INPP4B: variants seen among roughly 807,000 people sequenced by gnomAD.
The protein encoded by INPP4B is inositol polyphosphate-4-phosphatase type II B.
INPP4B carries 55 observed loss-of-function variants against 122.5 expected under a neutral mutation model. The observed-to-expected ratio is 0.45, with a 90% confidence interval of 0.36 to 0.56. The LOEUF (loss-of-function observed/expected upper bound fraction) is 0.56, where lower values mean the gene tolerates loss of function less well. Ranked by LOEUF, INPP4B falls within the 20% of genes least tolerant of loss-of-function variation. The probability of loss-of-function intolerance (pLI) is 0.00; values close to 1 mark genes in which losing one functional copy is unlikely to be tolerated. For missense variants in INPP4B, 1,000 were observed against 1,097.7 expected (o/e 0.91, Z 1.26); for synonymous variants, 403 against 388.7 (o/e 1.04, Z -0.43).
chr4:142,219,230 A>AAC (rs1848460207), intron 12 of INPP4B, among the ~76,000 whole-genome samples: 1 of 152,176 alleles, frequency 6.6e-6, no homozygotes, highest in Non-Finnish European at 1.5e-5. Context: ...TGACAGTTGG[A>AAC]ACACAGTTAT....
At chr4:142,550,675 C>G (rs1364155201) in intron 2 of INPP4B, among the ~76,000 whole-genome samples, 1 of 150,436 alleles carries the variant, frequency 6.6e-6, no homozygotes, top group East Asian at 1.9e-4. Flanking sequence ...TCCCTTGTAC[C>G]TTTGAAGTGT....
chr4:142,727,788 G>A (rs1254528272), intron 1 of INPP4B, among the ~76,000 whole-genome samples: 1 of 152,100 alleles, frequency 6.6e-6, no homozygotes, highest in African/African-American at 2.4e-5. Flanking sequence ...TGAGATGGGA[G>A]GATCACTTGA....
chr4:142,564,452 AAAGAAAGAAAG>A (rs370954363), intron 2 of INPP4B, among the ~76,000 whole-genome samples: 55,260 of 119,556 alleles, frequency 0.46, 13,962 homozygotes, highest in Non-Finnish European at 0.6. Context: ...AAAAAAAAAA[AAAGAAAGAAAG>A]AAAGAAAGAA....
At chr4:142,412,880 G>A (rs767205535) in intron 5 of INPP4B, among the ~76,000 whole-genome samples, 1 of 151,938 alleles carries the variant, frequency 6.6e-6, no homozygotes, top group South Asian at 2.1e-4. Context: ...TCTGAAAGAC[G>A]AGGTTATCAA....
chr4:142,153,279 T>C (rs928014425), intron 17 of INPP4B, among the ~76,000 whole-genome samples: 2 of 152,234 alleles, frequency 1.3e-5, no homozygotes, highest in Admixed American at 6.5e-5. Context: ...ACCAATTCTT[T>C]TTAATTGTAT....
intron 2 of INPP4B, chr4:142,661,037 G>A (rs941217366): frequency 6.6e-6 from 1 of 152,248 alleles, no homozygotes; most frequent in African/African-American, 2.4e-5. Context: ...TGCGCACTGG[G>A]GTGGAGCCTT....
rs1425478354 is a variant in INPP4B, at chr4:142,252,900, G to A, written c.688+7592C>T. ...TAACAAGGGGTTATGTTCTGAGAAAGTAGTCATTAGGCAATTTCGTCATGG... is the reference window on the plus strand; with the variant it reads ...TAACAAGGGGTTATGTTCTGAGAAAATAGTCATTAGGCAATTTCGTCATGG... On this transcript the variant is annotated intron_variant, in intron 11 of 25. Coordinates refer to ENST00000262992, the MANE Select transcript of INPP4B (RefSeq NM_001101669.3). Among the ~76,000 whole-genome samples, 4 of 152,242 alleles carry A rather than the reference G, an allele frequency of 2.6e-5. No individual in the cohort carries two copies. The East Asian group carries it at 7.7e-4, about 29-fold the overall frequency.
chr4:142,385,493 C>T (rs776083501), intron 7 of INPP4B, among the ~76,000 whole-genome samples: 1 of 151,992 alleles, frequency 6.6e-6, no homozygotes, highest in Non-Finnish European at 1.5e-5. Flanking sequence ...TTAGTTATAA[C>T]AACTTGTTCA....
At chr4:142,313,515 T>C (rs1262550857) in intron 8 of INPP4B, among the ~76,000 whole-genome samples, 1 of 152,156 alleles carries the variant, frequency 6.6e-6, no homozygotes, top group Non-Finnish European at 1.5e-5. Context: ...AGCTGAGCCC[T>C]GAGCTGTGGA....
At chr4:142,328,813 G>C (rs1455109501) in intron 7 of INPP4B, among the ~76,000 whole-genome samples, 2 of 152,106 alleles carry the variant, frequency 1.3e-5, no homozygotes, top group African/African-American at 4.8e-5. Context: ...TGGGATTCTT[G>C]ATAATTTTTA....
At position 142,255,036 on chromosome 4, in the gene INPP4B, TG is replaced by T. The variant is rs915807873; in HGVS notation, c.688+5455del. Among the ~76,000 whole-genome samples, 35 of 151,262 alleles carry T rather than the reference TG, an allele frequency of 2.3e-4. 1 individual carries two copies. Among genetic ancestry groups the T allele is most frequent in the African/African-American group, 7.1e-4 (29 of 41,120 alleles). Reference sequence around the variant, plus strand: ...AGAAACTCTACAAGCCAGAAGAGAGTGGGGGCCAATATTCAACATTCTTAAA... The same window carrying T: ...AGAAACTCTACAAGCCAGAAGAGAGTGGGGCCAATATTCAACATTCTTAAA... On this transcript the variant is annotated intron_variant, in intron 11 of 25. Coordinates refer to ENST00000262992, the MANE Select transcript of INPP4B (RefSeq NM_001101669.3).
chr4:142,792,608 A>G (rs1204575112), intron 1 of INPP4B, among the ~76,000 whole-genome samples: 1 of 152,006 alleles, frequency 6.6e-6, no homozygotes. Flanking sequence ...GCCCATTACC[A>G]TGTACTCAGA....
chr4:142,241,485 T>G (rs1481046202), intron 11 of INPP4B, among the ~76,000 whole-genome samples: 1 of 152,164 alleles, frequency 6.6e-6, no homozygotes, highest in East Asian at 1.9e-4. Flanking sequence ...GCAGCACAAC[T>G]CAAATTTCTA....
At chr4:142,113,686 A>G (rs186626449) in intron 21 of INPP4B, among the ~76,000 whole-genome samples, 1 of 152,124 alleles carries the variant, frequency 6.6e-6, no homozygotes, top group East Asian at 1.9e-4. Context: ...ATTGCTCTCA[A>G]TGCCATTTAC....
intron 25 of INPP4B, among the ~76,000 whole-genome samples, chr4:142,065,954 T>C (rs1009050726): frequency 1.3e-4 from 20 of 152,314 alleles, no homozygotes; most frequent in South Asian, 4.1e-4. Context: ...TTCAGCTATC[T>C]GGAAGCTATC....
At chr4:142,423,689 C>G (rs1807415663) in intron 5 of INPP4B, 3 of 346,894 alleles carry the variant, frequency 8.6e-6, no homozygotes, top group Non-Finnish European at 1.7e-5. Flanking sequence ...CGGTACACAT[C>G]ATTTACCTGG....
intron 2 of INPP4B, among the ~76,000 whole-genome samples, chr4:142,624,082 C>G (rs1023967479): frequency 1.3e-5 from 2 of 151,340 alleles, no homozygotes; most frequent in African/African-American, 4.8e-5. Context: ...GGGTATATAC[C>G]CAGTAATGGG....
rs1730353718 is a variant in INPP4B at position 142,560,993 on chromosome 4, C to G, written c.-190-98267G>C. Reference sequence around the variant, plus strand: ...GTCATTTTGGTGAAAATTAAAAGACCTTTTTATTATCATTTGTTTTTTCCA... The same window carrying G: ...GTCATTTTGGTGAAAATTAAAAGACGTTTTTATTATCATTTGTTTTTTCCA... On this transcript the variant is annotated intron_variant, in intron 2 of 25. Coordinates refer to ENST00000262992, the MANE Select transcript of INPP4B (RefSeq NM_001101669.3). 2.6e-5 allele frequency among the ~76,000 whole-genome samples: 4 copies of G among 152,116 alleles called. No homozygotes were observed. In the South Asian group the frequency reaches 8.3e-4, roughly 32 times the overall value.
chr4:142,266,952 A>C (rs1039505707), intron 10 of INPP4B, among the ~76,000 whole-genome samples: 1 of 152,166 alleles, frequency 6.6e-6, no homozygotes, highest in Non-Finnish European at 1.5e-5. Flanking sequence ...GAAATTAAGA[A>C]ATCAATCCCA....
Sources: gnomAD v4.1 joint callset for allele counts (sites outside exome capture counted in the v4.1 genomes callset) on GRCh38, gnomAD v4.1.1 for gene constraint, MANE v1.5 for transcripts, NCBI Gene and HGNC (gene_info 2026-07-23, HGNC 2026-07-21) for gene names.